Variants in DPY19L3 observed in about 807,000 individuals in gnomAD.
DPY19L3 encodes protein C-mannosyl-transferase DPY19L3.
A neutral mutation model predicts 92.3 loss-of-function variants in DPY19L3; 51 were observed. The observed-to-expected ratio is 0.55, with a 90% CI of 0.44 to 0.70. The LOEUF (loss-of-function observed/expected upper bound fraction) is 0.70, where lower values mean the gene tolerates loss of function less well. DPY19L3 is among the 30% of genes least tolerant of loss of function. The probability of loss-of-function intolerance (pLI) is 0.00; values close to 1 mark genes in which losing one functional copy is unlikely to be tolerated. For synonymous variants in DPY19L3, 309 were observed against 315.2 expected (o/e 0.98, Z 0.21); for missense variants, 706 against 855.9 (o/e 0.82, Z 2.18).
chr19:32,441,485 CAT>C (rs1284955866), intron 8 of DPY19L3, among the ~76,000 whole-genome samples: 4 of 140,256 alleles, frequency 2.9e-5, no homozygotes, highest in Admixed American at 1.6e-4. Context: ...TGATAATGAA[CAT>C]GTGTCTCTTT....
intron 14 of DPY19L3, among the ~76,000 whole-genome samples, chr19:32,464,253 A>G (rs1324153628): frequency 6.6e-6 from 1 of 152,180 alleles, no homozygotes; most frequent in African/African-American, 2.4e-5. Flanking sequence ...AAAATTACCA[A>G]TAATCCCCTT....
chr19:32,408,249 ACAT>A lies in DPY19L3; in HGVS notation c.-1_2del, dbSNP rs1267080152. On this transcript the variant is annotated 5_prime_UTR_variant, in exon 2 of 19. Coordinates refer to ENST00000392250, the MANE Select transcript of DPY19L3 (RefSeq NM_001172774.2). ...TTGGAGAACAATGCATGTAAGTCTG[ACAT>A]CATGATGTCCATCCGGCAAAGAAGA... is the stretch of plus-strand genomic sequence containing the variant. 3 of 1,607,892 alleles carry A rather than the reference ACAT, an allele frequency of 1.9e-6. No homozygotes were observed. The highest frequency in any genetic ancestry group is 1.1e-5 in the South Asian group (1 of 90,670).
At chr19:32,446,408 C>G (rs1568342866) in intron 8 of DPY19L3, among the ~76,000 whole-genome samples, 1 of 152,048 alleles carries the variant, frequency 6.6e-6, no homozygotes, top group African/African-American at 2.4e-5. Flanking sequence ...GGTAAATGAT[C>G]TAAATATACT....
At chr19:32,442,676 A>G (rs1969361468) in intron 8 of DPY19L3, among the ~76,000 whole-genome samples, 1 of 152,196 alleles carries the variant, frequency 6.6e-6, no homozygotes, top group Non-Finnish European at 1.5e-5. Flanking sequence ...CAATGGACTC[A>G]AACAAAAAGC....
At position 32,414,761 on chromosome 19, in the gene DPY19L3, A is replaced by G. The variant is rs919966133; in HGVS notation, c.237+3389A>G. ...GCAAGGAGACATGTTGAAAGAGATC[A>G]TATAACTTAATTATAAACTATTAAG... On this transcript the variant is annotated intron_variant, in intron 3 of 18. Coordinates refer to ENST00000392250, the MANE Select transcript of DPY19L3 (RefSeq NM_001172774.2). 7.9e-5 allele frequency among the ~76,000 whole-genome samples: 12 copies of G among 152,276 alleles called. No individual in the cohort carries two copies. In the East Asian group the frequency reaches 2.3e-3, roughly 29 times the overall value.
intron 4 of DPY19L3, among the ~76,000 whole-genome samples, chr19:32,434,437 A>C (rs1347098157): frequency 5.9e-5 from 9 of 152,174 alleles, no homozygotes; most frequent in African/African-American, 2.2e-4. Context: ...CGGATGGATC[A>C]CCTGAGGTCG....
At chr19:32,481,858 A>G in intron 18 of DPY19L3, 5 of 518,940 alleles carry the variant, frequency 9.6e-6, no homozygotes, top group South Asian at 8.8e-5. Flanking sequence ...CGTTAATGGG[A>G]TCATCGTGTG....
intron 3 of DPY19L3, among the ~76,000 whole-genome samples, chr19:32,419,695 A>G (rs1002133497): frequency 6.6e-6 from 1 of 152,110 alleles, no homozygotes; most frequent in Non-Finnish European, 1.5e-5. Flanking sequence ...GGGCCTCCCA[A>G]AGTTCTGGGA....
rs1004550429 is a variant in DPY19L3 at position 32,411,219 on chromosome 19, C to G, written c.104-20C>G. 2 of 1,598,132 alleles carry G rather than the reference C, an allele frequency of 1.3e-6. No individual in the cohort carries two copies. Among genetic ancestry groups the G allele is most frequent in the Non-Finnish European group, 1.7e-6 (2 of 1,174,954 alleles). On this transcript the variant is annotated intron_variant, in intron 2 of 18. Coordinates refer to ENST00000392250, the MANE Select transcript of DPY19L3 (RefSeq NM_001172774.2). ...TTTTTTTACTGACTTAGTTATTTAT[C>G]TGTTCCATTTTTCCAAAAGGTTGTA...
chr19:32,461,379 A>G (rs1324128821), intron 12 of DPY19L3, among the ~76,000 whole-genome samples: 2 of 152,290 alleles, frequency 1.3e-5, no homozygotes, highest in African/African-American at 4.8e-5. Flanking sequence ...GGAATTAATC[A>G]GAGCCTTCCA....
chr19:32,426,143 C>T (rs1182257249), intron 3 of DPY19L3, among the ~76,000 whole-genome samples: 2 of 152,200 alleles, frequency 1.3e-5, no homozygotes, highest in African/African-American at 4.8e-5. Context: ...GAGATGGCTA[C>T]TTCCCCTCAA....
chr19:32,477,552 G>C lies in DPY19L3; in HGVS notation c.1728G>C (p.Ala576=). The change falls in exon 17 of 19, where the codon GCG becomes GCC. Residue 576 remains alanine (A), a synonymous_variant. Coordinates refer to ENST00000392250, the MANE Select transcript of DPY19L3 (RefSeq NM_001172774.2). The part of the protein sequence containing the change: ...NSNTPRKAVF[A]GSMQLLAGVK... ...ACACTCCAAGAAAGGCTGTGTTTGC[G>C]GGAAGCATGCAGTTGCTGGCCGGAG... The C allele has an allele frequency of 6.2e-7, 1 of 1,614,104 alleles. No homozygotes were observed. Among genetic ancestry groups the C allele is most frequent in the South Asian group, 1.1e-5 (1 of 91,080 alleles).
In DPY19L3 at chr19:32,408,197, G is replaced by A. The variant is rs933301937; in HGVS notation, c.-37-20G>A. On this transcript the variant is annotated intron_variant, in intron 1 of 18. Coordinates refer to ENST00000392250, the MANE Select transcript of DPY19L3 (RefSeq NM_001172774.2). ...TGGGGAGAAGGCACTGACGTTGATG[G>A]CCTGTTTATTGCTATCTAGGAGTGA... The A allele has an allele frequency of 1.6e-6, 2 of 1,258,692 alleles. No individual in the cohort carries two copies. The highest frequency in any genetic ancestry group is 1.8e-5 in the Admixed American group (1 of 54,506). 78.0% of individuals were successfully genotyped at this position (1,258,692 alleles called of 1,614,324 possible). A position where few individuals can be genotyped will look rare whatever the true frequency, so the allele number is the denominator to read the frequency against.
chr19:32,450,741 T>C (rs1568345910), intron 8 of DPY19L3, among the ~76,000 whole-genome samples: 1 of 152,128 alleles, frequency 6.6e-6, no homozygotes, highest in Non-Finnish European at 1.5e-5. Flanking sequence ...CTAGTGGATA[T>C]GGGTTTCTTT....
At chr19:32,410,469 G>A (rs1968139934) in intron 2 of DPY19L3, among the ~76,000 whole-genome samples, 1 of 151,952 alleles carries the variant, frequency 6.6e-6, no homozygotes, top group Non-Finnish European at 1.5e-5. Context: ...CAAAACCTGT[G>A]GGTTTAAAAA....
intron 17 of DPY19L3, 70 bp from the exon 18 acceptor site, chr19:32,480,329 T>C (rs1970634196): frequency 6.5e-7 from 1 of 1,528,392 alleles, no homozygotes; most frequent in African/African-American, 1.4e-5. Flanking sequence ...TGTGGAAGGT[T>C]ACATCACATA....
chr19:32,439,055 T>G, intron 6 of DPY19L3, 57 bp from the exon 7 acceptor site: 1 of 1,556,972 alleles, frequency 6.4e-7, no homozygotes, highest in Non-Finnish European at 8.7e-7. Context: ...GAGGAAGTCT[T>G]CGAGGAAATT....
At chr19:32,455,771 C>T (rs1455946465) in intron 10 of DPY19L3, among the ~76,000 whole-genome samples, 1 of 152,180 alleles carries the variant, frequency 6.6e-6, no homozygotes, top group East Asian at 1.9e-4. Flanking sequence ...TTTTACAATG[C>T]CCCAGGGGCT....
chr19:32,480,111 A>C (rs1002654529), intron 17 of DPY19L3, among the ~76,000 whole-genome samples: 1 of 152,200 alleles, frequency 6.6e-6, no homozygotes, highest in African/African-American at 2.4e-5. Context: ...CAGTCTTAGA[A>C]TTGGTGCCTA....
Sources: allele counts gnomAD v4.1 joint callset (sites outside exome capture counted in the v4.1 genomes callset), GRCh38; gene constraint gnomAD v4.1.1; transcripts MANE v1.5; gene names NCBI Gene and HGNC (gene_info 2026-07-23, HGNC 2026-07-21).